JDP2: variants seen among roughly 807,000 people sequenced by gnomAD.
JDP2 encodes progesterone receptor co-activator.
A neutral mutation model predicts 17.1 loss-of-function variants in JDP2; 9 were observed. The observed-to-expected ratio is 0.53, with a 90% confidence interval of 0.32 to 0.92. The LOEUF (loss-of-function observed/expected upper bound fraction) is 0.92. JDP2 is among the 40% of genes least tolerant of loss of function. JDP2 has a pLI of 0.04. For missense variants in JDP2, 179 were observed against 220.0 expected, an observed-to-expected ratio of 0.81 and a Z score of 1.18; for synonymous variants, 107 against 95.6, an observed-to-expected ratio of 1.12 and a Z score of -0.69.
At chr14:75,446,001 A>G (rs1885583684) in intron 2 of JDP2, among the ~76,000 whole-genome samples, 4 of 152,242 alleles carry the variant, frequency 2.6e-5, no homozygotes, top group Admixed American at 2.6e-4. Flanking sequence ...AAAGATCTCA[A>G]TATTAATTTC....
chr14:75,445,135 C>G, intron 2 of JDP2: 1 of 985,300 alleles, frequency 1.0e-6, no homozygotes, highest in Non-Finnish European at 1.2e-6. Context: ...GAGTCCTCTC[C>G]TGGGTGAGGC....
chr14:75,436,354 G>A (rs575435819), intron 1 of JDP2, among the ~76,000 whole-genome samples: 48 of 152,310 alleles, frequency 3.2e-4, no homozygotes, highest in African/African-American at 1.1e-3. Context: ...ATTGTCCGAT[G>A]GACATCAGAT....
intron 2 of JDP2, among the ~76,000 whole-genome samples, chr14:75,459,724 C>T (rs1367705128): frequency 6.6e-6 from 1 of 152,202 alleles, no homozygotes; most frequent in Non-Finnish European, 1.5e-5. Context: ...CAGGACAATC[C>T]AACGGCTTCT....
intron 2 of JDP2, among the ~76,000 whole-genome samples, chr14:75,440,094 C>A (rs1306102936): frequency 6.6e-6 from 1 of 152,208 alleles, no homozygotes; most frequent in African/African-American, 2.4e-5. Flanking sequence ...CAGCCACCCC[C>A]AAATTGGTGG....
chr14:75,459,403 C>CGGTGTT (rs1450548079), intron 2 of JDP2, among the ~76,000 whole-genome samples: 1 of 152,118 alleles, frequency 6.6e-6, no homozygotes, highest in African/African-American at 2.4e-5. Flanking sequence ...TTGGGTGTGG[C>CGGTGTT]GGTGTTGACG....
intron 3 of JDP2, among the ~76,000 whole-genome samples, chr14:75,463,507 G>A (rs1035242156): frequency 2.0e-5 from 3 of 152,090 alleles, no homozygotes; most frequent in East Asian, 1.9e-4. Context: ...TGTGCCGAGC[G>A]TTATGTTGGG....
chr14:75,468,113 G>A (rs1196439755), intron 3 of JDP2, among the ~76,000 whole-genome samples: 1 of 152,160 alleles, frequency 6.6e-6, no homozygotes, highest in African/African-American at 2.4e-5. Context: ...ATGGGCTTAC[G>A]GGCCCTCTGG....
At chr14:75,445,419 A>G in intron 2 of JDP2, 2 of 985,310 alleles carry the variant, frequency 2.0e-6, no homozygotes, top group Non-Finnish European at 2.4e-6. Context: ...AGCGTAGTGC[A>G]TGTGTATGCT....
chr14:75,445,247 A>G (rs543468167), intron 2 of JDP2: 1 of 985,466 alleles, frequency 1.0e-6, no homozygotes, highest in African/African-American at 1.7e-5. Flanking sequence ...ATGGAGATCT[A>G]GAGGAACTCA....
rs1235620393 is a variant in JDP2 at position 75,428,298 on chromosome 14, G to C, written c.-24+46G>C. 2 of 147,256 alleles carry C rather than the reference G, an allele frequency of 1.4e-5. No individual in the cohort carries two copies. Among genetic ancestry groups the C allele is most frequent in the Non-Finnish European group, 3.0e-5 (2 of 66,080 alleles). The allele number at this position is 147,256 out of a possible 1,614,324, so 9.1% of individuals were successfully genotyped here. On this transcript the variant is annotated intron_variant, in intron 1 of 3. Coordinates refer to ENST00000651602, the MANE Select transcript of JDP2 (RefSeq NM_001135048.2). The surrounding 1 kb of genome is among the most constrained non-coding windows in gnomAD (Gnocchi z 5.6). ...TGGGGGCGCCGGGACGGGCGGGGCG[G>C]GGCAGGGCGCGGCGCGGGCACCTGG...
intron 2 of JDP2, among the ~76,000 whole-genome samples, chr14:75,457,116 G>A (rs923985129): frequency 5.3e-5 from 8 of 152,218 alleles, no homozygotes; most frequent in Non-Finnish European, 1.0e-4. Flanking sequence ...TGTATTGAGC[G>A]TCAAGCTGCC....
At position 75,473,702 on chromosome 14, in the gene JDP2, ATGGAGGGTAGGGGAG is replaced by A. The variant is rs1301435172; in HGVS notation, c.*4230_*4244del. The A allele has an allele frequency of 1.3e-5, 2 of 152,220 alleles. No homozygotes were observed. The highest frequency in any genetic ancestry group is 2.9e-5 in the Non-Finnish European group (2 of 68,040). The allele number at this position is 152,220 out of a possible 1,614,324, so 9.4% of individuals were successfully genotyped here. On this transcript the variant is annotated 3_prime_UTR_variant, in exon 4 of 4. Transcript: ENST00000651602. ...TAAATCTCAGAAACCTACTGTTGAG[ATGGAGGGTAGGGGAG>A]TGAACTGCGGAAGGATACCACTTAT...
intron 2 of JDP2, among the ~76,000 whole-genome samples, chr14:75,442,925 A>G (rs531947167): frequency 1.3e-5 from 2 of 152,234 alleles, no homozygotes; most frequent in East Asian, 3.9e-4. Flanking sequence ...GAATCGGTGC[A>G]TACGTATCAT....
In JDP2 at chr14:75,432,008, A is replaced by G. The variant is rs1007419618; in HGVS notation, c.-24+3756A>G. On this transcript the variant is annotated intron_variant, in intron 1 of 3. Coordinates refer to ENST00000651602, the MANE Select transcript of JDP2 (RefSeq NM_001135048.2). ...AAGAGAGGCACAGAGAGGTTAGGGA[A>G]CTTGCCCAAGGGCACACAGCTAGTA... is the stretch of plus-strand genomic sequence containing the variant. 7 of 475,702 alleles carry G rather than the reference A, an allele frequency of 1.5e-5. No homozygotes were observed. The Admixed American group carries it at 2.6e-4, about 18-fold the overall frequency. The allele number at this position is 475,702 out of a possible 1,614,324, so 29.5% of individuals were successfully genotyped here.
chr14:75,468,771 A>G (rs1157049170), intron 3 of JDP2, among the ~76,000 whole-genome samples: 1 of 152,254 alleles, frequency 6.6e-6, no homozygotes, highest in African/African-American at 2.4e-5. Flanking sequence ...GAGGAATGAC[A>G]TGACTACACT....
chr14:75,467,584 A>G (rs1334839268), intron 3 of JDP2, among the ~76,000 whole-genome samples: 1 of 152,134 alleles, frequency 6.6e-6, no homozygotes, highest in African/African-American at 2.4e-5. Flanking sequence ...AGATGGAACT[A>G]AGCCCTTGGG....
At chr14:75,429,773 G>T (rs1884711750) in intron 1 of JDP2, among the ~76,000 whole-genome samples, 1 of 152,206 alleles carries the variant, frequency 6.6e-6, no homozygotes, top group South Asian at 2.1e-4. Context: ...AGAGCAGGGA[G>T]GATGGATTTC....
chr14:75,446,187 G>A (rs537306087), intron 2 of JDP2, among the ~76,000 whole-genome samples: 10 of 152,314 alleles, frequency 6.6e-5, no homozygotes, highest in East Asian at 3.9e-4. Context: ...AGAAGCTGTC[G>A]TCATGAATTG....
intron 1 of JDP2, among the ~76,000 whole-genome samples, chr14:75,434,948 T>G (rs1884994305): frequency 6.6e-6 from 1 of 152,220 alleles, no homozygotes; most frequent in Admixed American, 6.5e-5. Flanking sequence ...CAACAAGTAT[T>G]ATTGATGATG....
Sources: allele counts gnomAD v4.1 joint callset (sites outside exome capture counted in the v4.1 genomes callset), GRCh38; gene constraint gnomAD v4.1.1; non-coding constraint Gnocchi (gnomAD v3.1); transcripts MANE v1.5; gene names NCBI Gene and HGNC (gene_info 2026-07-23, HGNC 2026-07-21).